The following FSTL4 variants were observed in gnomAD, a reference collection of about 807,000 sequenced individuals.
The protein encoded by FSTL4 is follistatin like 4.
A neutral mutation model predicts 78.2 loss-of-function variants in FSTL4; 28 were observed. That is an observed-to-expected ratio of 0.36 (90% CI 0.27 to 0.49). The LOEUF is 0.49. Among genes scored for constraint, FSTL4 ranks in the 20% least tolerant of loss-of-function variants. FSTL4 has a pLI of 0.98. For synonymous variants in FSTL4, 422 were observed against 440.5 expected (o/e 0.96, Z 0.53); for missense variants, 922 against 1,084.9 (o/e 0.85, Z 2.11).
intron 3 of FSTL4, among the ~76,000 whole-genome samples, chr5:133,493,065 T>C (rs926746127): frequency 6.6e-6 from 1 of 152,160 alleles, no homozygotes; most frequent in Non-Finnish European, 1.5e-5. Flanking sequence ...TGCTTGTTTT[T>C]CCCCTACAAT....
intron 3 of FSTL4, among the ~76,000 whole-genome samples, chr5:133,530,833 C>A (rs188204412): frequency 6.6e-6 from 1 of 152,326 alleles, no homozygotes; most frequent in Admixed American, 6.5e-5. Flanking sequence ...AGTGCAGAGA[C>A]CTGGCAGGCT....
At chr5:133,538,945 T>C (rs1561461870) in intron 3 of FSTL4, among the ~76,000 whole-genome samples, 1 of 152,138 alleles carries the variant, frequency 6.6e-6, no homozygotes, top group Non-Finnish European at 1.5e-5. Context: ...CCTCAGAGCA[T>C]CTCCACGTGG....
intron 4 of FSTL4, among the ~76,000 whole-genome samples, chr5:133,349,286 C>CCTCT (rs144025396): frequency 0.016 from 2,318 of 143,186 alleles, 43 homozygotes; most frequent in African/African-American, 0.035. Context: ...CTGTTGAAAG[C>CCTCT]CTCTCTCTCT....
intron 3 of FSTL4, among the ~76,000 whole-genome samples, chr5:133,530,147 A>C (rs1011484507): frequency 3.3e-5 from 5 of 152,302 alleles, no homozygotes; most frequent in African/African-American, 1.2e-4. Context: ...CCCTTGAGAC[A>C]GCTGGAGACA....
At chr5:133,645,524 G>C in the FSTL4 span, among the ~76,000 whole-genome samples, 1 of 152,078 alleles carries the variant, frequency 6.6e-6, no homozygotes, top group Admixed American at 6.5e-5. Flanking sequence ...AACTGACTAG[G>C]TGCCTGGCAC....
the FSTL4 span, among the ~76,000 whole-genome samples, chr5:133,621,887 G>C: frequency 2.6e-5 from 4 of 152,086 alleles, no homozygotes; most frequent in Non-Finnish European, 1.5e-5. Flanking sequence ...GAGAGATCTT[G>C]TGTACTCTTT....
intron 6 of FSTL4, among the ~76,000 whole-genome samples, chr5:133,255,175 G>A (rs182312867): frequency 1.3e-5 from 2 of 152,212 alleles, no homozygotes; most frequent in Non-Finnish European, 2.9e-5. Flanking sequence ...GTGAGAGAGG[G>A]CTCAGCCAGA....
the FSTL4 span, among the ~76,000 whole-genome samples, chr5:133,633,827 C>G: frequency 4.0e-5 from 6 of 151,844 alleles, no homozygotes; most frequent in African/African-American, 1.5e-4. Context: ...TATAGAAGCC[C>G]AAGTTCAATA....
chr5:133,788,497 C>T, the FSTL4 span, among the ~76,000 whole-genome samples: 1 of 152,238 alleles, frequency 6.6e-6, no homozygotes, highest in Non-Finnish European at 1.5e-5. Flanking sequence ...CAAGCCCCAA[C>T]TGGCCACGGC....
At chr5:133,342,240 G>C (rs1754599456) in intron 4 of FSTL4, among the ~76,000 whole-genome samples, 1 of 152,206 alleles carries the variant, frequency 6.6e-6, no homozygotes, top group African/African-American at 2.4e-5. Flanking sequence ...TGTGGCTGCA[G>C]AGAGAGGCGG....
chr5:133,527,879 C>A (rs188009356), intron 3 of FSTL4, among the ~76,000 whole-genome samples: 1 of 152,274 alleles, frequency 6.6e-6, no homozygotes, highest in African/African-American at 2.4e-5. Flanking sequence ...CACATGGCAG[C>A]CTTGGCCTTG....
chr5:133,472,852 T>G (rs1048451820), intron 3 of FSTL4, among the ~76,000 whole-genome samples: 2 of 152,212 alleles, frequency 1.3e-5, no homozygotes, highest in African/African-American at 4.8e-5. Flanking sequence ...GGGATGTGAT[T>G]TTCCCAAGGT....
At chr5:133,245,193 GGGTGGAAGC>G (rs1752002815) in intron 7 of FSTL4, among the ~76,000 whole-genome samples, 2 of 151,778 alleles carry the variant, frequency 1.3e-5, no homozygotes, top group African/African-American at 4.8e-5. Flanking sequence ...GGGGAGCCTT[GGGTGGAAGC>G]CAGGGAGACC....
the FSTL4 span, among the ~76,000 whole-genome samples, chr5:133,781,463 G>A: frequency 6.6e-6 from 1 of 151,564 alleles, no homozygotes; most frequent in African/African-American, 2.4e-5. Flanking sequence ...GGGTAGGAAG[G>A]GCCAGAGGGA....
chr5:133,241,749 G>T (rs1751879906), intron 7 of FSTL4, among the ~76,000 whole-genome samples: 1 of 152,136 alleles, frequency 6.6e-6, no homozygotes, highest in African/African-American at 2.4e-5. Context: ...CACACCTGCT[G>T]CTTTCCTTTG....
chr5:133,646,096 A>G, the FSTL4 span, among the ~76,000 whole-genome samples: 1 of 152,204 alleles, frequency 6.6e-6, no homozygotes, highest in African/African-American at 2.4e-5. Context: ...ACAGATAATG[A>G]TCAGGTGGAC....
rs1374797962 is a variant in FSTL4 at position 133,220,728 on chromosome 5, C to T, written c.1458+20G>A. 8.2e-7 allele frequency: 1 copy of T among 1,221,430 alleles called. No individual in the cohort carries two copies. The highest frequency in any genetic ancestry group is 1.2e-6 in the Non-Finnish European group (1 of 821,064). The allele number at this position is 1,221,430 out of a possible 1,614,324, so 75.7% of individuals were successfully genotyped here. On this transcript the variant is annotated intron_variant, in intron 12 of 15. Transcript: ENST00000265342. ...TTGCCTGTGTATGATGTAGAAGCTG[C>T]CCCAGGCACAGTTACTTACATAGCT...
chr5:133,347,840 T>C (rs1355356045), intron 4 of FSTL4, among the ~76,000 whole-genome samples: 1 of 152,244 alleles, frequency 6.6e-6, no homozygotes, highest in East Asian at 1.9e-4. Flanking sequence ...ATTTATTTAA[T>C]TCCATAAATA....
rs117766526 is a variant in FSTL4, at chr5:133,390,106, G to A, written c.409+10632C>T. On this transcript the variant is annotated intron_variant, in intron 4 of 15. Coordinates refer to ENST00000265342, the MANE Select transcript of FSTL4 (RefSeq NM_015082.2). Reference sequence around the variant, plus strand: ...GAAGAGAAAGCACAAGTTCCCTAAGGAAGACAAGAAAAGAGACATGGCTGC... The same window carrying A: ...GAAGAGAAAGCACAAGTTCCCTAAGAAAGACAAGAAAAGAGACATGGCTGC... Among the ~76,000 whole-genome samples the A allele has an allele frequency of 5.0e-4, 76 of 152,304 alleles. No individual in the cohort carries two copies. The East Asian group carries it at 0.013, about 25-fold the overall frequency.
Sources: gnomAD v4.1 joint callset for allele counts (sites outside exome capture counted in the v4.1 genomes callset) on GRCh38, gnomAD v4.1.1 for gene constraint, MANE v1.5 for transcripts, NCBI Gene and HGNC (gene_info 2026-07-23, HGNC 2026-07-21) for gene names.